RERE: variants seen among roughly 807,000 people sequenced by gnomAD.
RERE encodes the protein arginine-glutamic acid dipeptide repeats, also known as arginine-glutamic acid dipeptide repeats protein.
Under a neutral mutation model 146.1 loss-of-function variants are expected in RERE, and 40 were observed. The ratio of observed to expected loss-of-function variants is 0.27; its 90% confidence interval spans 0.21 to 0.36. The LOEUF (loss-of-function observed/expected upper bound fraction) is 0.36. Ranked by LOEUF, RERE falls within the 10% of genes least tolerant of loss-of-function variation. The probability of loss-of-function intolerance (pLI) is 1.00; values close to 1 mark genes in which losing one functional copy is unlikely to be tolerated. For synonymous variants in RERE, 1,003 were observed against 866.0 expected (o/e 1.16, Z -2.78); for missense variants, 1,933 against 2,138.7 (o/e 0.90, Z 1.90).
At chr1:8,485,854 A>G (rs1644892120) in intron 10 of RERE, among the ~76,000 whole-genome samples, 1 of 142,088 alleles carries the variant, frequency 7.0e-6, no homozygotes, top group Non-Finnish European at 1.5e-5. Flanking sequence ...GCTGGAGTGC[A>G]GTGGCGCGAT....
At chr1:8,546,538 A>T (rs965990526) in intron 6 of RERE, among the ~76,000 whole-genome samples, 1 of 152,040 alleles carries the variant, frequency 6.6e-6, no homozygotes, top group Non-Finnish European at 1.5e-5. Flanking sequence ...CTTTATTATT[A>T]CAGGATAGAG....
At position 8,667,502 on chromosome 1, in the gene RERE, C is replaced by A. The variant is rs182300026; in HGVS notation, c.-144-11061G>T. Among the ~76,000 whole-genome samples the A allele has an allele frequency of 2.8e-3, 432 of 152,256 alleles. 1 individual carries two copies. Among genetic ancestry groups the A allele is most frequent in the Middle Eastern group, 0.017 (5 of 294 alleles). ...ACGAGCCTGGCCCACATGGCGAAAT[C>A]CCATCTCTACTAAAAATACAAAAAA... On this transcript the variant is annotated intron_variant, in intron 1 of 22. Transcript: ENST00000400908.
At chr1:8,620,458 T>G (rs1056679174) in intron 3 of RERE, among the ~76,000 whole-genome samples, 1 of 152,252 alleles carries the variant, frequency 6.6e-6, no homozygotes, top group South Asian at 2.1e-4. Context: ...GTAATTCTTT[T>G]ATTTTTAATT....
chr1:8,726,080 C>T (rs2124479830), intron 1 of RERE, among the ~76,000 whole-genome samples: 1 of 150,518 alleles, frequency 6.6e-6, no homozygotes, highest in East Asian at 1.9e-4. Context: ...CCACAAATGT[C>T]TGAAAAGCAA....
At chr1:8,763,938 TAAA>T (rs70985517) in intron 1 of RERE, among the ~76,000 whole-genome samples, 14 of 136,014 alleles carry the variant, frequency 1.0e-4, no homozygotes, top group Admixed American at 1.4e-4. Context: ...AGACTCCGTC[TAAA>T]AAAAAAAAAA....
intron 12 of RERE, among the ~76,000 whole-genome samples, chr1:8,406,271 C>T (rs184055767): frequency 9.9e-5 from 15 of 152,058 alleles, no homozygotes; most frequent in African/African-American, 3.1e-4. Context: ...CAGGGTCTCA[C>T]GATGTTGCCC....
intron 2 of RERE, among the ~76,000 whole-genome samples, chr1:8,648,501 G>A (rs1337462262): frequency 6.6e-6 from 1 of 152,124 alleles, no homozygotes; most frequent in Non-Finnish European, 1.5e-5. Context: ...CAAAGTTCTG[G>A]AATTACAGAC....
intron 1 of RERE, among the ~76,000 whole-genome samples, chr1:8,782,042 C>T (rs1641174379): frequency 1.3e-5 from 2 of 152,100 alleles, no homozygotes; most frequent in Non-Finnish European, 2.9e-5. Context: ...TCTCTATTCT[C>T]CTTTACAGCA....
intron 2 of RERE, among the ~76,000 whole-genome samples, chr1:8,630,625 T>TG (rs1553124340): frequency 2.0e-5 from 3 of 152,184 alleles, no homozygotes; most frequent in Non-Finnish European, 4.4e-5. Flanking sequence ...GAAGCTCAGG[T>TG]GACAGCATCA....
intron 1 of RERE, among the ~76,000 whole-genome samples, chr1:8,733,082 A>G (rs886427751): frequency 6.6e-6 from 1 of 151,812 alleles, no homozygotes; most frequent in Non-Finnish European, 1.5e-5. Context: ...CTGCCTCCCA[A>G]AGTGCTGGGA....
At chr1:8,805,337 A>G (rs1641669318) in intron 1 of RERE, among the ~76,000 whole-genome samples, 1 of 151,410 alleles carries the variant, frequency 6.6e-6, no homozygotes, top group Non-Finnish European at 1.5e-5. Flanking sequence ...ATATGGTGAA[A>G]CCCCATCTCT....
At chr1:8,813,892 G>A (rs1427835251) in intron 1 of RERE, among the ~76,000 whole-genome samples, 6 of 152,160 alleles carry the variant, frequency 3.9e-5, no homozygotes, top group Non-Finnish European at 8.8e-5. Flanking sequence ...TGGGATTACA[G>A]GCGTGAGCCA....
intron 1 of RERE, among the ~76,000 whole-genome samples, chr1:8,800,739 G>A (rs1641573352): frequency 1.3e-5 from 2 of 152,144 alleles, no homozygotes. Context: ...GCCGAGGCGT[G>A]TGATCACTTG....
At chr1:8,754,738 A>C (rs1389078986) in intron 1 of RERE, among the ~76,000 whole-genome samples, 1 of 152,248 alleles carries the variant, frequency 6.6e-6, no homozygotes, top group African/African-American at 2.4e-5. Flanking sequence ...AGTGACTGTT[A>C]ACATCTGTCT....
intron 1 of RERE, among the ~76,000 whole-genome samples, chr1:8,676,560 C>A (rs1353020047): frequency 1.3e-5 from 2 of 152,222 alleles, no homozygotes; most frequent in East Asian, 3.9e-4. Context: ...ACTAAACTAC[C>A]AAGAAGGAAT....
At chr1:8,493,146 G>C (rs939586423) in intron 10 of RERE, among the ~76,000 whole-genome samples, 1 of 152,110 alleles carries the variant, frequency 6.6e-6, no homozygotes, top group African/African-American at 2.4e-5. Context: ...CTTTCTCTTT[G>C]TACACACACT....
intron 1 of RERE, chr1:8,751,052 C>T: frequency 1.7e-6 from 1 of 581,074 alleles, no homozygotes; most frequent in Non-Finnish European, 3.1e-6. Flanking sequence ...CTTCCTGTGG[C>T]CCTTCAAATT....
At chr1:8,370,469 G>A (rs189586620) in intron 12 of RERE, among the ~76,000 whole-genome samples, 1 of 152,306 alleles carries the variant, frequency 6.6e-6, no homozygotes, top group East Asian at 1.9e-4. Flanking sequence ...TAAAGTGGGT[G>A]CATTTTTACG....
chr1:8,414,683 G>A (rs948805517), intron 12 of RERE, among the ~76,000 whole-genome samples: 1 of 151,746 alleles, frequency 6.6e-6, no homozygotes, highest in Admixed American at 6.6e-5. Context: ...TGGGGGGGTC[G>A]GTGGGGGGAA....
Sources: allele counts gnomAD v4.1 joint callset (sites outside exome capture counted in the v4.1 genomes callset), GRCh38; gene constraint gnomAD v4.1.1; transcripts MANE v1.5; gene names NCBI Gene and HGNC (gene_info 2026-07-23, HGNC 2026-07-21).